The following TSPAN15 variants were observed in gnomAD, a reference collection of about 807,000 sequenced individuals.
TSPAN15 encodes the protein tetraspanin-15.
A neutral mutation model predicts 34.5 loss-of-function variants in TSPAN15; 20 were observed. The ratio of observed to expected loss-of-function variants is 0.58; its 90% CI spans 0.41 to 0.84. The LOEUF is 0.84. TSPAN15 is among the 40% of genes least tolerant of loss of function. The pLI, the probability that TSPAN15 is intolerant of heterozygous loss-of-function variation, is 0.00. For synonymous variants in TSPAN15, 155 were observed against 153.9 expected (o/e 1.01, Z -0.05); for missense variants, 313 against 386.1 (o/e 0.81, Z 1.59).
chr10:69,505,423 CA>C (rs1279602853), intron 6 of TSPAN15, among the ~76,000 whole-genome samples: 1 of 152,166 alleles, frequency 6.6e-6, no homozygotes, highest in Non-Finnish European at 1.5e-5. Context: ...ATACCATGGG[CA>C]TCATTTTTGC....
the TSPAN15 span, among the ~76,000 whole-genome samples, chr10:69,546,356 C>T: frequency 8.5e-5 from 13 of 152,170 alleles, no homozygotes; most frequent in African/African-American, 3.1e-4. Flanking sequence ...ATTCCTTGGC[C>T]TTCTCATCTG....
intron 1 of TSPAN15, among the ~76,000 whole-genome samples, chr10:69,452,605 A>G (rs1840998305): frequency 6.6e-6 from 1 of 152,210 alleles, no homozygotes; most frequent in Non-Finnish European, 1.5e-5. Context: ...AGTGTGAGAC[A>G]TTATTACTAT....
chr10:69,528,724 G>A, the TSPAN15 span, among the ~76,000 whole-genome samples: 2 of 148,320 alleles, frequency 1.3e-5, no homozygotes, highest in African/African-American at 4.9e-5. Flanking sequence ...CCGCAGCCAG[G>A]GTATCCTGAT....
chr10:69,463,634 A>G (rs1841317803), intron 1 of TSPAN15, among the ~76,000 whole-genome samples: 1 of 151,962 alleles, frequency 6.6e-6, no homozygotes, highest in African/African-American at 2.4e-5. Context: ...ACATGGTGAA[A>G]CCCCATCTCT....
At chr10:69,488,373 G>T (rs908167060) in intron 3 of TSPAN15, among the ~76,000 whole-genome samples, 39 of 152,172 alleles carry the variant, frequency 2.6e-4, no homozygotes, top group Admixed American at 2.6e-3. Context: ...CTTCCAGGAG[G>T]AGGTGATTTC....
chr10:69,515,974 T>C, the TSPAN15 span, among the ~76,000 whole-genome samples: 2 of 152,192 alleles, frequency 1.3e-5, no homozygotes, highest in Non-Finnish European at 1.5e-5. Context: ...TAAAATACTA[T>C]AGGTCCTGAT....
chr10:69,499,716 A>G (rs1393812624), intron 5 of TSPAN15, among the ~76,000 whole-genome samples: 1 of 152,202 alleles, frequency 6.6e-6, no homozygotes, highest in African/African-American at 2.4e-5. Context: ...TGAGTAGAAA[A>G]AGAAAGTAGG....
At chr10:69,495,809 C>T in intron 4 of TSPAN15, 120 bp downstream of exon 4, 1 of 718,692 alleles carries the variant, frequency 1.4e-6, no homozygotes, top group Non-Finnish European at 2.4e-6. Context: ...AAGCAGGTGG[C>T]TGGCCAGATT....
the TSPAN15 span, among the ~76,000 whole-genome samples, chr10:69,539,441 G>GGAAGAAGAAGAAGAAGAAGAAGAA: frequency 4.6e-5 from 3 of 65,390 alleles, no homozygotes; most frequent in Non-Finnish European, 9.0e-5. Context: ...AGAAGAAGAA[G>GGAAGAAGAAGAAGAAGAAGAAGAA]GAAGAAGAAG....
chr10:69,466,636 C>G (rs768311791), intron 1 of TSPAN15, among the ~76,000 whole-genome samples: 4 of 152,000 alleles, frequency 2.6e-5, no homozygotes, highest in Non-Finnish European at 4.4e-5. Flanking sequence ...CACGTGGAGA[C>G]GTGATAGGAG....
At position 69,483,778 on chromosome 10, in the gene TSPAN15, C is replaced by T; in HGVS notation, c.184C>T (p.Pro62Ser). ...YKTLESAFLA[P>S]AIILILLGVV... is the part of the protein sequence containing the mutation. Reference sequence around the variant, plus strand: ...AACCCTTGAAAGTGCCTTCCTGGCTCCAGCCATCATCCTCATCCTCCTGGG... The same window carrying T: ...AACCCTTGAAAGTGCCTTCCTGGCTTCAGCCATCATCCTCATCCTCCTGGG... Residue 62 changes from proline to serine, a missense_variant, in exon 2 of 8, where the codon CCA (proline) becomes TCA (serine). Pro to Ser is a moderately conservative substitution (Grantham distance 74). Transcript: ENST00000373290. The T allele has an allele frequency of 6.2e-7, 1 of 1,614,196 alleles. No individual in the cohort carries two copies. The highest frequency in any genetic ancestry group is 8.5e-7 in the Non-Finnish European group (1 of 1,180,036).
At position 69,451,705 on chromosome 10, in the gene TSPAN15, TA is replaced by T; in HGVS notation, c.96+16del. 8.9e-6 allele frequency: 13 copies of T among 1,467,654 alleles called. No individual in the cohort carries two copies. Among genetic ancestry groups the T allele is most frequent in the Non-Finnish European group, 1.2e-5 (13 of 1,101,636 alleles). The allele number at this position is 1,467,654 out of a possible 1,614,324, so 90.9% of individuals were successfully genotyped here. A position where few individuals can be genotyped will look rare whatever the true frequency, so the allele number is the denominator to read the frequency against. On this transcript the variant is annotated intron_variant, in intron 1 of 7. Transcript: ENST00000373290. ...CCGTGTTCTGGGTGAGTGACCCCAG[TA>T]GGGCCCGGGGATGGGGGTGGGGACC...
intron 1 of TSPAN15, 23 bp from the exon 2 acceptor site, chr10:69,483,668 C>A: frequency 6.2e-7 from 1 of 1,608,468 alleles, no homozygotes; most frequent in African/African-American, 1.3e-5. Flanking sequence ...GTCTCTCTCT[C>A]ACCCTCTGTT....
intron 5 of TSPAN15, 63 bp downstream of exon 5, chr10:69,498,459 C>G (rs982889585): frequency 7.4e-7 from 1 of 1,345,864 alleles, no homozygotes; most frequent in Admixed American, 1.8e-5. Flanking sequence ...TAAATGTTCT[C>G]TTTTCTCTCT....
chr10:69,483,345 G>GCGTGTT (rs1219810625), intron 1 of TSPAN15, among the ~76,000 whole-genome samples: 1 of 151,818 alleles, frequency 6.6e-6, no homozygotes, highest in African/African-American at 2.4e-5. Context: ...CCTTCTCCCT[G>GCGTGTT]CGTGTTCACA....
chr10:69,481,486 C>T lies in TSPAN15; in HGVS notation c.97-2205C>T, dbSNP rs999251102. On this transcript the variant is annotated intron_variant, in intron 1 of 7. Coordinates refer to ENST00000373290, the MANE Select transcript of TSPAN15 (RefSeq NM_012339.5). ...TATTTGACTTTTGGCATCCCCGTCACGCATCAAAGCTTAGGAGGAAGCAGT... is the reference window on the plus strand; with the variant it reads ...TATTTGACTTTTGGCATCCCCGTCATGCATCAAAGCTTAGGAGGAAGCAGT... 5.3e-5 allele frequency among the ~76,000 whole-genome samples: 8 copies of T among 152,196 alleles called. 1 individual carries two copies. The highest frequency in any genetic ancestry group is 3.9e-4 in the Admixed American group (6 of 15,280).
intron 1 of TSPAN15, among the ~76,000 whole-genome samples, chr10:69,463,799 A>T (rs1157399073): frequency 1.6e-5 from 2 of 127,924 alleles, no homozygotes; most frequent in Non-Finnish European, 3.3e-5. Context: ...TCAGAGTGAG[A>T]CTCCGTCTCA....
chr10:69,540,570 A>C, the TSPAN15 span, among the ~76,000 whole-genome samples: 1 of 152,130 alleles, frequency 6.6e-6, no homozygotes, highest in Non-Finnish European at 1.5e-5. Context: ...GGAGGGTTGA[A>C]TGTGGCAACT....
intron 2 of TSPAN15, 148 bp from the exon 3 acceptor site, chr10:69,484,993 G>A (rs1337384800): frequency 2.7e-6 from 2 of 732,042 alleles, no homozygotes; most frequent in Non-Finnish European, 4.8e-6. Context: ...GTTCTCACAG[G>A]AGGAGGGGGC....
Sources: allele counts gnomAD v4.1 joint callset (sites outside exome capture counted in the v4.1 genomes callset), GRCh38; gene constraint gnomAD v4.1.1; transcripts MANE v1.5; gene names NCBI Gene and HGNC (gene_info 2026-07-23, HGNC 2026-07-21).